LARS1: variants seen among roughly 807,000 people sequenced by gnomAD.
LARS1 encodes the protein leucine--tRNA ligase, cytoplasmic.
In LARS1, 100 loss-of-function variants were observed where a neutral mutation model predicts 162.8. That is an observed-to-expected ratio of 0.61 (90% CI 0.52 to 0.73). The LOEUF is 0.73. LARS1 is among the 30% of genes least tolerant of loss of function. The probability of loss-of-function intolerance (pLI) is 0.00; values close to 1 mark genes in which losing one functional copy is unlikely to be tolerated. For missense variants in LARS1, 1,258 were observed against 1,408.9 expected (o/e 0.89, Z 1.71); for synonymous variants, 457 against 462.8 (o/e 0.99, Z 0.16).
chr5:146,114,104 G>C lies in LARS1; in HGVS notation c.*2C>G. 1.2e-6 allele frequency: 2 copies of C among 1,607,976 alleles called. No homozygotes were observed. Among genetic ancestry groups the C allele is most frequent in the Non-Finnish European group, 1.7e-6 (2 of 1,175,316 alleles). ...CAGGATAAATCTCCAATGTGCATGA[G>C]TTTAATGAACCAGATAGATTATTGT... On this transcript the variant is annotated 3_prime_UTR_variant, in exon 32 of 32. Transcript: ENST00000394434.
chr5:146,113,875 G>T lies in LARS1; in HGVS notation c.*231C>A. ...ATAGCAACAATTTGTTTTTTAAAAA[G>T]AGTTTGGCAAAAACCATTTCTCTTG... is the stretch of plus-strand genomic sequence containing the variant. On this transcript the variant is annotated 3_prime_UTR_variant, in exon 32 of 32. Transcript: ENST00000394434. 2.0e-6 allele frequency: 1 copy of T among 492,748 alleles called. No individual in the cohort carries two copies. The highest frequency in any genetic ancestry group is 1.9e-5 in the African/African-American group (1 of 52,334). The allele number at this position is 492,748 out of a possible 1,614,324, so 30.5% of individuals were successfully genotyped here. A position where few individuals can be genotyped will look rare whatever the true frequency, so the allele number is the denominator to read the frequency against.
chr5:146,163,572 G>A (rs911700156), intron 6 of LARS1, among the ~76,000 whole-genome samples: 2 of 152,090 alleles, frequency 1.3e-5, no homozygotes, highest in African/African-American at 4.8e-5. Flanking sequence ...TGTAATCCCA[G>A]CTACTCGGGA....
At chr5:146,121,723 G>T (rs933507962) in intron 30 of LARS1, among the ~76,000 whole-genome samples, 1 of 152,094 alleles carries the variant, frequency 6.6e-6, no homozygotes, top group Non-Finnish European at 1.5e-5. Context: ...AACTAACACA[G>T]GAACAGAAAA....
intron 15 of LARS1, among the ~76,000 whole-genome samples, chr5:146,146,342 A>G (rs1460521457): frequency 2.1e-5 from 3 of 143,852 alleles, no homozygotes; most frequent in Non-Finnish European, 4.7e-5. Flanking sequence ...AAACTCCGAA[A>G]AAAAAAAAAA....
At chr5:146,144,055 G>A (rs1422903484) in intron 18 of LARS1, among the ~76,000 whole-genome samples, 1 of 152,056 alleles carries the variant, frequency 6.6e-6, no homozygotes, top group Non-Finnish European at 1.5e-5. Context: ...CCATAAAAAA[G>A]TCACACCACA....
chr5:146,168,187 C>A lies in LARS1; in HGVS notation c.373G>T (p.Glu125Ter). ...PDFPDEEEEE[E>*]ETSVKTEDII... ...TCTTCTGTTTTAACACTGGTTTCTT[C>A]CTCTTCCTCTTCTTCATCTGGAAAA... Residue 125 changes from glutamate to a stop codon, truncating the protein, a stop_gained, in exon 5 of 32, where the codon GAA (glutamate) becomes TAA (stop). Coordinates refer to ENST00000394434, the MANE Select transcript of LARS1 (RefSeq NM_020117.11). LOFTEE classifies it high-confidence loss of function. 1 of 1,612,530 alleles carries A rather than the reference C, an allele frequency of 6.2e-7. No individual in the cohort carries two copies. The highest frequency in any genetic ancestry group is 8.5e-7 in the Non-Finnish European group (1 of 1,178,650).
intron 5 of LARS1, among the ~76,000 whole-genome samples, chr5:146,166,580 G>A (rs78566110): frequency 0.085 from 12,964 of 152,176 alleles, 721 homozygotes; most frequent in East Asian, 0.2. Context: ...ATAACCTGAA[G>A]AATAAAGTGA....
At chr5:146,114,462 G>A (rs1015012920) in intron 31 of LARS1, 151 bp from the exon 32 acceptor site, 13 of 670,786 alleles carry the variant, frequency 1.9e-5, no homozygotes, top group South Asian at 1.5e-4. Context: ...CGCTGGGTGC[G>A]GTGGCTCACA....
At chr5:146,115,605 A>AAAAAAAAAAAG in intron 31 of LARS1, among the ~76,000 whole-genome samples, 1 of 150,344 alleles carries the variant, frequency 6.7e-6, no homozygotes, top group Non-Finnish European at 1.5e-5. Flanking sequence ...AAAAAAAAAA[A>AAAAAAAAAAAG]AAAAGCACCT....
chr5:146,146,294 C>A (rs560124292), intron 15 of LARS1, among the ~76,000 whole-genome samples: 1 of 147,044 alleles, frequency 6.8e-6, no homozygotes. Flanking sequence ...GAGCTGAGAT[C>A]GTGCCATTGC....
At chr5:146,129,348 A>G (rs1422371057) in intron 25 of LARS1, among the ~76,000 whole-genome samples, 1 of 152,178 alleles carries the variant, frequency 6.6e-6, no homozygotes, top group Non-Finnish European at 1.5e-5. Context: ...GTACAAGCAT[A>G]TTAATACCCA....
intron 21 of LARS1, among the ~76,000 whole-genome samples, 163 bp downstream of exon 21, chr5:146,140,041 A>G (rs1355951631): frequency 6.6e-6 from 1 of 152,102 alleles, no homozygotes; most frequent in Non-Finnish European, 1.5e-5. Context: ...TCCTGGCCTC[A>G]AGTGATCCTC....
chr5:146,144,348 A>C lies in LARS1; in HGVS notation c.1657T>G (p.Phe553Val). 2 of 1,611,884 alleles carry C rather than the reference A, an allele frequency of 1.2e-6. No homozygotes were observed. Among genetic ancestry groups the C allele is most frequent in the Non-Finnish European group, 1.7e-6 (2 of 1,179,384 alleles). Reference protein sequence around the residue: ...TSQCLKNLETFCEETRRNFEA... With the variant: ...TSQCLKNLETVCEETRRNFEA... ...AAATTCCTCCTGGTCTCCTCACAGA[A>C]TCTAGAAAAGAGCAAAAGACAAAGT... Residue 553 changes from phenylalanine (F) to valine (V), a missense_variant and splice_region_variant, in exon 18 of 32, where the codon TTC (phenylalanine) becomes GTC (valine). Transcript: ENST00000394434.
At chr5:146,131,486 G>GGTTTTTTTTTTTTTTTT (rs1561802916) in intron 23 of LARS1, 1 of 119,458 alleles carries the variant, frequency 8.4e-6, no homozygotes. Flanking sequence ...TTGTAGCCAA[G>GGTTTTTTTTTTTTTTTT]TTTTTTTTTT....
intron 11 of LARS1, 27 bp from the exon 12 acceptor site, chr5:146,153,837 A>G (rs1753404544): frequency 6.2e-7 from 1 of 1,610,946 alleles, no homozygotes; most frequent in Admixed American, 1.7e-5. Context: ...TGGAATTAAT[A>G]ACTAGAACCA....
intron 6 of LARS1, 36 bp downstream of exon 6, chr5:146,164,274 G>C: frequency 6.9e-7 from 1 of 1,454,308 alleles, no homozygotes. Flanking sequence ...GCACATACTT[G>C]TAAATGCTTT....
At chr5:146,177,826 G>T (rs56085614) in intron 1 of LARS1, among the ~76,000 whole-genome samples, 161 bp from the exon 2 acceptor site, 2 of 152,110 alleles carry the variant, frequency 1.3e-5, no homozygotes, top group Non-Finnish European at 2.9e-5. Context: ...TCAGCCAGGC[G>T]CGGTGGCTCA....
intron 21 of LARS1, among the ~76,000 whole-genome samples, chr5:146,139,897 AT>A (rs2126467137): frequency 1.3e-5 from 2 of 148,378 alleles, no homozygotes; most frequent in Non-Finnish European, 1.5e-5. Context: ...AAAAAAAAAA[AT>A]TAATTTATGC....
chr5:146,134,720 G>A (rs1252812367), intron 22 of LARS1, among the ~76,000 whole-genome samples: 2 of 152,220 alleles, frequency 1.3e-5, no homozygotes, highest in African/African-American at 4.8e-5. Flanking sequence ...AGGCCAAGGA[G>A]GGTGGATCAC....
Sources: gnomAD v4.1 joint callset for allele counts (sites outside exome capture counted in the v4.1 genomes callset) on GRCh38, gnomAD v4.1.1 for gene constraint, MANE v1.5 for transcripts, NCBI Gene and HGNC (gene_info 2026-07-23, HGNC 2026-07-21) for gene names.